Variants in ARVCF observed in about 807,000 individuals in gnomAD.
The protein encoded by ARVCF is splicing regulator ARVCF.
Under a neutral mutation model 90.9 loss-of-function variants are expected in ARVCF, and 66 were observed. The ratio of observed to expected loss-of-function variants is 0.73; its 90% CI spans 0.60 to 0.89. The LOEUF is 0.89. Ranked by LOEUF, ARVCF falls within the 40% of genes least tolerant of loss-of-function variation. ARVCF has a pLI of 0.00. For synonymous variants in ARVCF, 653 were observed against 603.4 expected (o/e 1.08, Z -1.21); for missense variants, 1,469 against 1,382.3 (o/e 1.06, Z -1.00).
intron 2 of ARVCF, among the ~76,000 whole-genome samples, chr22:19,999,403 T>G (rs961174306): frequency 2.0e-5 from 3 of 152,172 alleles, no homozygotes. Flanking sequence ...TCTACCTGAC[T>G]ACTAGGGAGT....
intron 2 of ARVCF, 65 bp from the exon 3 acceptor site, chr22:19,990,877 CT>C (rs1452829263): frequency 1.4e-6 from 2 of 1,468,406 alleles, no homozygotes; most frequent in East Asian, 5.0e-5. Context: ...TCATGGGCCC[CT>C]GCCCGCCCCA....
intron 17 of ARVCF, 83 bp from the exon 18 acceptor site, chr22:19,972,054 G>C: frequency 1.5e-6 from 2 of 1,306,434 alleles, no homozygotes; most frequent in East Asian, 2.3e-5. Flanking sequence ...CCCAGACACA[G>C]GGGACTCGTG....
intron 8 of ARVCF, 150 bp downstream of exon 8, chr22:19,977,808 G>T: frequency 9.3e-7 from 1 of 1,073,800 alleles, no homozygotes; most frequent in Non-Finnish European, 1.3e-6. Flanking sequence ...GCCCACTTCA[G>T]TGTGGTCACT....
intron 3 of ARVCF, among the ~76,000 whole-genome samples, chr22:19,982,585 A>G (rs1002144791): frequency 1.1e-4 from 17 of 152,126 alleles, no homozygotes; most frequent in Admixed American, 3.9e-4. Context: ...TGAGTATAGA[A>G]GCCTTGTGGG....
intron 5 of ARVCF, 82 bp from the exon 6 acceptor site, chr22:19,980,324 A>G: frequency 6.9e-7 from 1 of 1,455,696 alleles, no homozygotes; most frequent in Non-Finnish European, 9.0e-7. Context: ...CACCTTCTTC[A>G]GGACTGCAAA....
intron 10 of ARVCF, 48 bp downstream of exon 10, chr22:19,976,658 A>G (rs2047643161): frequency 6.5e-7 from 1 of 1,550,096 alleles, no homozygotes. Context: ...CTTCCCAGGT[A>G]CCCACTGCAC....
At chr22:20,004,762 C>T (rs1190529572) in intron 2 of ARVCF, among the ~76,000 whole-genome samples, 2 of 152,130 alleles carry the variant, frequency 1.3e-5, no homozygotes, top group East Asian at 3.8e-4. Flanking sequence ...GTCAAATGAC[C>T]TTCAATAAAG....
Position 19,980,056 on chromosome 22 carries a change from A to G in ARVCF, c.1083T>C (p.Pro361=). ...KEPRWRDPEL[P]EVLAMLRHPV... is the part of the protein sequence containing the mutation. ...GGTGCCGCAGCATGGCCAGCACCTC[A>G]GGCAGCTCAGGGTCCCGCCAGCGCG... Residue 361 remains proline, a synonymous_variant, in exon 6 of 20, where the codon CCT becomes CCC. Coordinates refer to ENST00000263207, the MANE Select transcript of ARVCF (RefSeq NM_001670.3). The G allele has an allele frequency of 6.3e-7, 1 of 1,583,040 alleles. No homozygotes were observed. The highest frequency in any genetic ancestry group is 2.3e-5 in the East Asian group (1 of 43,520).
intron 15 of ARVCF, 37 bp from the exon 16 acceptor site, chr22:19,972,864 A>C: frequency 6.2e-7 from 1 of 1,613,670 alleles, no homozygotes; most frequent in Non-Finnish European, 8.5e-7. Context: ...TGGGTGAAGC[A>C]CATGGAGTGG....
At chr22:19,986,262 G>A (rs558665340) in intron 3 of ARVCF, among the ~76,000 whole-genome samples, 7 of 152,358 alleles carry the variant, frequency 4.6e-5, no homozygotes, top group Admixed American at 4.6e-4. Context: ...GGCCACACCA[G>A]GGCCGTAGGA....
chr22:20,006,900 G>A (rs1944649515), intron 2 of ARVCF, among the ~76,000 whole-genome samples: 1 of 151,700 alleles, frequency 6.6e-6, no homozygotes, highest in Non-Finnish European at 1.5e-5. Context: ...AAAGTGCTGG[G>A]ATTACAAGCA....
intron 2 of ARVCF, among the ~76,000 whole-genome samples, chr22:20,002,502 G>GA (rs1944481805): frequency 6.6e-6 from 1 of 152,212 alleles, no homozygotes; most frequent in Non-Finnish European, 1.5e-5. Context: ...CTCTACTTGA[G>GA]ATCTTTTACA....
intron 6 of ARVCF, chr22:19,979,459 G>T: frequency 1.8e-6 from 1 of 556,158 alleles, no homozygotes; most frequent in Non-Finnish European, 3.1e-6. Context: ...CAAGGAGGTG[G>T]GTCCCAGGAG....
At position 19,978,781 on chromosome 22, in the gene ARVCF, T is replaced by G; in HGVS notation, c.1580+116A>C. On this transcript the variant is annotated intron_variant, in intron 7 of 19. Coordinates refer to ENST00000263207, the MANE Select transcript of ARVCF (RefSeq NM_001670.3). The stretch of plus-strand genomic sequence containing the variant: ...TCATCCACAGGACTTGTGCCACAGC[T>G]CTGAAGCTCCTAAGCTCTGGCGCTC... The G allele has an allele frequency of 4.7e-6, 6 of 1,268,950 alleles. No homozygotes were observed. The South Asian group carries it at 9.1e-5, about 19-fold the overall frequency. The allele number at this position is 1,268,950 out of a possible 1,614,324, so 78.6% of individuals were successfully genotyped here. A position where few individuals can be genotyped will look rare whatever the true frequency, so the allele number is the denominator to read the frequency against.
intron 2 of ARVCF, among the ~76,000 whole-genome samples, chr22:20,000,843 G>A (rs902203823): frequency 8.5e-5 from 13 of 152,106 alleles, no homozygotes; most frequent in African/African-American, 2.2e-4. Flanking sequence ...CACCAGACAC[G>A]GAATCTGCTG....
At chr22:19,972,259 C>G in intron 17 of ARVCF, 99 bp downstream of exon 17, 1 of 1,517,908 alleles carries the variant, frequency 6.6e-7, no homozygotes, top group Non-Finnish European at 9.1e-7. Context: ...TATCTCTCCT[C>G]CACCCAGCAC....
chr22:20,015,676 G>A (rs1271681530), intron 1 of ARVCF, among the ~76,000 whole-genome samples: 2 of 152,052 alleles, frequency 1.3e-5, no homozygotes, highest in African/African-American at 4.8e-5. Context: ...CATACCATAG[G>A]GGAGGTTTCC....
rs766080914 is a variant in ARVCF at position 19,972,361 on chromosome 22, G to T, written c.2692C>A (p.Pro898Thr). 4 of 1,613,698 alleles carry T rather than the reference G, an allele frequency of 2.5e-6. No homozygotes were observed. The highest frequency in any genetic ancestry group is 3.4e-6 in the Non-Finnish European group (4 of 1,179,988). Residue 898 changes from proline to threonine, a missense_variant, in exon 17 of 20, where the codon CCA (proline) becomes ACA (threonine). Physicochemically the swap from Pro to Thr is conservative, Grantham distance 38. Transcript: ENST00000263207. ...RDVIPMDALGPDGYSTVDRRE... is the reference protein window; with the variant it reads ...RDVIPMDALGTDGYSTVDRRE... Reference sequence around the variant, plus strand: ...ACCACACTGCATCTGCACTCACCTGGGCCCAGCGCATCCATGGGGATCACA... The same window carrying T: ...ACCACACTGCATCTGCACTCACCTGTGCCCAGCGCATCCATGGGGATCACA...
chr22:19,975,603 T>G, intron 11 of ARVCF, 83 bp downstream of exon 11: 2 of 1,537,454 alleles, frequency 1.3e-6, no homozygotes, highest in Admixed American at 1.7e-5. Flanking sequence ...CCAGGCCTGC[T>G]TGATGGCTCA....
Sources: allele counts gnomAD v4.1 joint callset (sites outside exome capture counted in the v4.1 genomes callset), GRCh38; gene constraint gnomAD v4.1.1; transcripts MANE v1.5; gene names NCBI Gene and HGNC (gene_info 2026-07-23, HGNC 2026-07-21).